RSPO2: variants seen among roughly 807,000 people sequenced by gnomAD.
The protein encoded by RSPO2 is R-spondin 2, also known as R-spondin-2.
RSPO2 carries 14 observed loss-of-function variants against 30.9 expected under a neutral mutation model. The ratio of observed to expected loss-of-function variants is 0.45; its 90% CI spans 0.30 to 0.71. The LOEUF (loss-of-function observed/expected upper bound fraction) is 0.71, where lower values mean the gene tolerates loss of function less well. Among genes scored for constraint, RSPO2 ranks in the 30% least tolerant of loss-of-function variants. RSPO2 has a pLI of 0.08. For synonymous variants in RSPO2, 107 were observed against 96.4 expected, an observed-to-expected ratio of 1.11 and a Z score of -0.64; for missense variants, 264 against 301.9, an observed-to-expected ratio of 0.87 and a Z score of 0.93.
At chr8:107,918,629 C>A (rs947771486) in intron 5 of RSPO2, among the ~76,000 whole-genome samples, 1 of 152,130 alleles carries the variant, frequency 6.6e-6, no homozygotes, top group Non-Finnish European at 1.5e-5. Context: ...TTCGAGGATA[C>A]AAACCCATGG....
intron 5 of RSPO2, among the ~76,000 whole-genome samples, chr8:107,950,009 G>A (rs989637560): frequency 6.6e-6 from 1 of 152,114 alleles, no homozygotes; most frequent in Non-Finnish European, 1.5e-5. Flanking sequence ...GTGGTGTGAC[G>A]ACATCGTCCA....
At chr8:107,936,845 C>A (rs2130362459) in intron 5 of RSPO2, among the ~76,000 whole-genome samples, 1 of 152,114 alleles carries the variant, frequency 6.6e-6, no homozygotes, top group African/African-American at 2.4e-5. Flanking sequence ...TGTCCATTTT[C>A]TAATGGGTTT....
chr8:107,910,805 C>T (rs755405149), intron 5 of RSPO2, among the ~76,000 whole-genome samples: 5 of 152,088 alleles, frequency 3.3e-5, no homozygotes, highest in Non-Finnish European at 7.4e-5. Context: ...TACCTGTAAT[C>T]CCAGCACTTT....
chr8:108,013,422 T>C (rs555414260), intron 2 of RSPO2, among the ~76,000 whole-genome samples: 1 of 152,170 alleles, frequency 6.6e-6, no homozygotes, highest in Non-Finnish European at 1.5e-5. Context: ...TTAGTATTAG[T>C]AGCCAAAAGC....
chr8:107,928,003 C>CA (rs1205397977), intron 5 of RSPO2, among the ~76,000 whole-genome samples: 3 of 151,860 alleles, frequency 2.0e-5, no homozygotes, highest in African/African-American at 4.8e-5. Context: ...AAATATAGAC[C>CA]AAAAAAATCA....
At chr8:107,992,031 G>A (rs556238797) in intron 2 of RSPO2, among the ~76,000 whole-genome samples, 44 of 152,120 alleles carry the variant, frequency 2.9e-4, no homozygotes, top group African/African-American at 5.8e-4. Context: ...ATCCCATTAC[G>A]GGGTATATAC....
At chr8:108,073,905 G>T (rs1705434346) in intron 2 of RSPO2, among the ~76,000 whole-genome samples, 1 of 152,168 alleles carries the variant, frequency 6.6e-6, no homozygotes, top group African/African-American at 2.4e-5. Context: ...GTATCACTTT[G>T]AAGCAGTCAT....
chr8:108,006,623 A>G (rs908217571), intron 2 of RSPO2, among the ~76,000 whole-genome samples: 42 of 152,072 alleles, frequency 2.8e-4, no homozygotes, highest in African/African-American at 1.0e-3. Flanking sequence ...AAAAAAGAGG[A>G]ATTCAAGAAG....
At chr8:107,964,344 G>C (rs1272654007) in intron 3 of RSPO2, among the ~76,000 whole-genome samples, 1 of 152,244 alleles carries the variant, frequency 6.6e-6, no homozygotes. Flanking sequence ...CCGGGTTCAA[G>C]TGATTCTCCT....
rs543725966 is a variant in RSPO2 at position 107,933,091 on chromosome 8, T to A, written c.616+24989A>T. Among the ~76,000 whole-genome samples the A allele has an allele frequency of 3.3e-5, 5 of 152,272 alleles. No individual in the cohort carries two copies. In the South Asian group the frequency reaches 1.0e-3, roughly 32 times the overall value. On this transcript the variant is annotated intron_variant, in intron 5 of 5. Transcript: ENST00000276659. Reference sequence around the variant, plus strand: ...ACACCAGCCTATCTTCCTTAGCCTGTTTATGTTATTCCATCATAAAAAGAC... The same window carrying A: ...ACACCAGCCTATCTTCCTTAGCCTGATTATGTTATTCCATCATAAAAAGAC...
intron 2 of RSPO2, among the ~76,000 whole-genome samples, chr8:108,062,528 A>T (rs549840659): frequency 7.9e-5 from 12 of 151,922 alleles, no homozygotes; most frequent in African/African-American, 2.9e-4. Flanking sequence ...CAGGCTCTGA[A>T]ATTGAGGCAA....
intron 4 of RSPO2, among the ~76,000 whole-genome samples, chr8:107,960,196 T>G (rs745969690): frequency 2.0e-5 from 3 of 152,178 alleles, no homozygotes; most frequent in Non-Finnish European, 4.4e-5. Context: ...AGTAATTGTT[T>G]TAATGCATTT....
intron 4 of RSPO2, among the ~76,000 whole-genome samples, chr8:107,959,919 G>A (rs1351775180): frequency 6.6e-6 from 1 of 152,108 alleles, no homozygotes; most frequent in Non-Finnish European, 1.5e-5. Flanking sequence ...TTTAAGGGAA[G>A]TAAAGTCTAA....
At chr8:107,934,870 C>T (rs1398379653) in intron 5 of RSPO2, among the ~76,000 whole-genome samples, 1 of 152,198 alleles carries the variant, frequency 6.6e-6, no homozygotes, top group Non-Finnish European at 1.5e-5. Context: ...CCAATCAATA[C>T]TCATAATTTC....
chr8:107,911,756 A>G (rs898202296), intron 5 of RSPO2, among the ~76,000 whole-genome samples: 1 of 152,206 alleles, frequency 6.6e-6, no homozygotes, highest in African/African-American at 2.4e-5. Flanking sequence ...CTCAGCAGTG[A>G]TTCAAACCAA....
chr8:107,900,955 C>T lies in RSPO2; in HGVS notation c.*120G>A. ...GGTGGTGCTTCCTTTCACCATGTTACTGGGAACAGATACTGGGCAGAGCAG... is the reference window on the plus strand; with the variant it reads ...GGTGGTGCTTCCTTTCACCATGTTATTGGGAACAGATACTGGGCAGAGCAG... On this transcript the variant is annotated 3_prime_UTR_variant, in exon 6 of 6. Coordinates refer to ENST00000276659, the MANE Select transcript of RSPO2 (RefSeq NM_178565.5). The T allele has an allele frequency of 1.9e-6, 2 of 1,037,872 alleles. No individual in the cohort carries two copies. The highest frequency in any genetic ancestry group is 5.0e-5 in the East Asian group (2 of 40,118). 64.3% of individuals were successfully genotyped at this position (1,037,872 alleles called of 1,614,324 possible). A position where few individuals can be genotyped will look rare whatever the true frequency, so the allele number is the denominator to read the frequency against.
At chr8:107,938,055 C>T (rs1812776245) in intron 5 of RSPO2, among the ~76,000 whole-genome samples, 1 of 152,042 alleles carries the variant, frequency 6.6e-6, no homozygotes, top group South Asian at 2.1e-4. Flanking sequence ...ACTCCGACAA[C>T]ATAAAAACTT....
At chr8:108,064,908 C>CA (rs1313509798) in intron 2 of RSPO2, among the ~76,000 whole-genome samples, 1 of 152,072 alleles carries the variant, frequency 6.6e-6, no homozygotes, top group Non-Finnish European at 1.5e-5. Context: ...TCATTCTCAA[C>CA]AAACTATCAC....
chr8:108,017,807 T>C (rs1810942146), intron 2 of RSPO2, among the ~76,000 whole-genome samples: 1 of 152,152 alleles, frequency 6.6e-6, no homozygotes, highest in Admixed American at 6.5e-5. Context: ...CTTATGGAAA[T>C]AAAGAAATTT....
Sources: gnomAD v4.1 joint callset for allele counts (sites outside exome capture counted in the v4.1 genomes callset) on GRCh38, gnomAD v4.1.1 for gene constraint, MANE v1.5 for transcripts, NCBI Gene and HGNC (gene_info 2026-07-23, HGNC 2026-07-21) for gene names.